Variants in RGS14 observed in about 807,000 individuals in gnomAD.
RGS14 encodes regulator of G-protein signaling 14.
RGS14 carries 33 observed loss-of-function variants against 63.8 expected under a neutral mutation model. The ratio of observed to expected loss-of-function variants is 0.52; its 90% confidence interval spans 0.39 to 0.69. The LOEUF (loss-of-function observed/expected upper bound fraction) is 0.69. RGS14 is among the 30% of genes least tolerant of loss of function. The pLI, the probability that RGS14 is intolerant of heterozygous loss-of-function variation, is 0.00. For synonymous variants in RGS14, 296 were observed against 320.9 expected, an observed-to-expected ratio of 0.92 and a Z score of 0.83; for missense variants, 739 against 742.9, an observed-to-expected ratio of 0.99 and a Z score of 0.06.
Position 177,372,081 on chromosome 5 carries a change from A to T in RGS14, c.*6A>T, listed in dbSNP as rs1235214619. 1.2e-5 allele frequency: 19 copies of T among 1,613,092 alleles called. No individual in the cohort carries two copies. The highest frequency in any genetic ancestry group is 1.6e-5 in the Non-Finnish European group (19 of 1,179,580). On this transcript the variant is annotated 3_prime_UTR_variant, in exon 15 of 15. Transcript: ENST00000408923. ...CCACCGACTCAGCCCTCTGACAGCTACCCAACAGTCCAGGACAGCTGCATG... is the reference window on the plus strand; with the variant it reads ...CCACCGACTCAGCCCTCTGACAGCTTCCCAACAGTCCAGGACAGCTGCATG...
Position 177,366,189 on chromosome 5 carries a change from C to T in RGS14, c.80C>T (p.Thr27Met), listed in dbSNP as rs111897214. The T allele has an allele frequency of 8.1e-6, 13 of 1,607,360 alleles. No homozygotes were observed. Among genetic ancestry groups the T allele is most frequent in the Admixed American group, 3.3e-5 (2 of 59,732 alleles). ...LAVSDGELSSTTGPQGQGEGR... is the reference protein window; with the variant it reads ...LAVSDGELSSMTGPQGQGEGR... Reference sequence around the variant, plus strand: ...CATCCCCCTGCAGAGCTGAGCAGCACGACGGGGCCCCAGGGCCAGGGCGAG... The same window carrying T: ...CATCCCCCTGCAGAGCTGAGCAGCATGACGGGGCCCCAGGGCCAGGGCGAG... Residue 27 changes from threonine to methionine, a missense_variant, in exon 3 of 15, where the codon ACG becomes ATG. By Grantham distance (81) the Thr-to-Met change is moderately conservative. Coordinates refer to ENST00000408923, the MANE Select transcript of RGS14 (RefSeq NM_006480.5).
chr5:177,358,638 G>A lies in RGS14; in HGVS notation c.45+569G>A, dbSNP rs565788793. Among the ~76,000 whole-genome samples the A allele has an allele frequency of 1.1e-3, 172 of 152,332 alleles. 1 individual carries two copies. In the South Asian group the frequency reaches 0.013, roughly 12 times the overall value. On this transcript the variant is annotated intron_variant, in intron 1 of 14. Transcript: ENST00000408923. This position sits in a 1 kb window ranked among gnomAD's most constrained non-coding sequence, Gnocchi z 4.8. ...GCCTGTTCTATTCCTGAGCTTCCAG[G>A]AAGGGCTGAGCACTAAGATCCCCCT... is the stretch of plus-strand genomic sequence containing the variant.
chr5:177,371,057 G>C lies in RGS14; in HGVS notation c.1254+26G>C, dbSNP rs952591518. 16 of 1,142,562 alleles carry C rather than the reference G, an allele frequency of 1.4e-5. No homozygotes were observed. Among genetic ancestry groups the C allele is most frequent in the Admixed American group, 9.1e-5 (2 of 22,036 alleles). 70.8% of individuals were successfully genotyped at this position (1,142,562 alleles called of 1,614,324 possible). A position where few individuals can be genotyped will look rare whatever the true frequency, so the allele number is the denominator to read the frequency against. ...GTGAGCTTCCGGGCCGCGGGGCGGG[G>C]CGGGGCGGGGCCGGGCCGGGGCCGG... On this transcript the variant is annotated intron_variant, in intron 11 of 14. Transcript: ENST00000408923. This position sits in a 1 kb window ranked among gnomAD's most constrained non-coding sequence, Gnocchi z 6.1.
chr5:177,368,791 G>T lies in RGS14; in HGVS notation c.924G>T (p.Leu308=), dbSNP rs1762169900. 1.2e-6 allele frequency: 2 copies of T among 1,614,240 alleles called. No individual in the cohort carries two copies. Among genetic ancestry groups the T allele is most frequent in the Non-Finnish European group, 1.7e-6 (2 of 1,180,044 alleles). ...SRPGKYCCVY[L]PDGTASLALA... is the part of the protein sequence containing the mutation. ...CAGGGAAGTACTGCTGTGTGTACCT[G>T]CCCGATGGCACAGCCTCCTTGGCCC... The change falls in exon 9 of 15, where the codon CTG becomes CTT. Residue 308 remains leucine, a synonymous_variant. Coordinates refer to ENST00000408923, the MANE Select transcript of RGS14 (RefSeq NM_006480.5).
Position 177,364,252 on chromosome 5 carries a change from G to A in RGS14, c.46-1711G>A, listed in dbSNP as rs2127328796. ...GTTGGGATGGGAATAAGGGGCTGGTGGTAGGAACTTCTGTGACAGGGCATG... is the reference window on the plus strand; with the variant it reads ...GTTGGGATGGGAATAAGGGGCTGGTAGTAGGAACTTCTGTGACAGGGCATG... On this transcript the variant is annotated intron_variant, in intron 1 of 14. Coordinates refer to ENST00000408923, the MANE Select transcript of RGS14 (RefSeq NM_006480.5). This position sits in a 1 kb window ranked among gnomAD's most constrained non-coding sequence, Gnocchi z 4.6. Among the ~76,000 whole-genome samples the A allele has an allele frequency of 6.6e-6, 1 of 152,258 alleles. No individual in the cohort carries two copies. Among genetic ancestry groups the A allele is most frequent in the Non-Finnish European group, 1.5e-5 (1 of 68,020 alleles).
rs1761920797 is a variant in RGS14, at chr5:177,359,816, A to C, written c.45+1747A>C. Among the ~76,000 whole-genome samples, 1 of 152,164 alleles carries C rather than the reference A, an allele frequency of 6.6e-6. No individual in the cohort carries two copies. On this transcript the variant is annotated intron_variant, in intron 1 of 14. Coordinates refer to ENST00000408923, the MANE Select transcript of RGS14 (RefSeq NM_006480.5). The surrounding 1 kb of genome is among the most constrained non-coding windows in gnomAD (Gnocchi z 4.4). ...ACAGGCACTGGGATCTGAGGTGCGG[A>C]TGTGGATGGAGGGGCGCCTGGGGGA... is the stretch of plus-strand genomic sequence containing the variant.
At chr5:177,368,681 G>A (rs1312106223) in intron 8 of RGS14, 36 bp from the exon 9 acceptor site, 3 of 1,605,764 alleles carry the variant, frequency 1.9e-6, no homozygotes, top group Non-Finnish European at 2.6e-6. Context: ...CCTTGCATGT[G>A]TACACATAAT....
At position 177,366,869 on chromosome 5, in the gene RGS14, C is replaced by T. The variant is rs1443040784; in HGVS notation, c.340-22C>T. On this transcript the variant is annotated intron_variant, in intron 4 of 14. Coordinates refer to ENST00000408923, the MANE Select transcript of RGS14 (RefSeq NM_006480.5). ...ACTGGGCCACGCTCCCTGACCAACT[C>T]CTCCTGTCCCTCCTCCTTCAGCTAG... 1.9e-6 allele frequency: 3 copies of T among 1,613,422 alleles called. No homozygotes were observed. The South Asian group carries it at 3.3e-5, about 18-fold the overall frequency.
chr5:177,365,998 T>C lies in RGS14; in HGVS notation c.67+14T>C. 1 of 1,613,578 alleles carries C rather than the reference T, an allele frequency of 6.2e-7. No homozygotes were observed. The highest frequency in any genetic ancestry group is 8.5e-7 in the Non-Finnish European group (1 of 1,179,580). The stretch of plus-strand genomic sequence containing the variant: ...TGTCAGATGGAGGTAAGTGACAGAA[T>C]GTGTGGAGAACTGGCTGAGTGGGAG... On this transcript the variant is annotated intron_variant, in intron 2 of 14. Coordinates refer to ENST00000408923, the MANE Select transcript of RGS14 (RefSeq NM_006480.5).
intron 4 of RGS14, 27 bp from the exon 5 acceptor site, chr5:177,366,864 C>T (rs1249967320): frequency 6.2e-7 from 1 of 1,613,544 alleles, no homozygotes; most frequent in African/African-American, 1.3e-5. Context: ...GCTCCCTGAC[C>T]AACTCCTCCT....
At chr5:177,362,289 AGAGCT>A (rs1205179626) in intron 1 of RGS14, among the ~76,000 whole-genome samples, 1 of 152,212 alleles carries the variant, frequency 6.6e-6, no homozygotes, top group Non-Finnish European at 1.5e-5. Flanking sequence ...CTCAGGATGG[AGAGCT>A]ACAGGTGGCA....
chr5:177,369,114 TCATC>T, intron 9 of RGS14, 194 bp downstream of exon 9: 1 of 616,696 alleles, frequency 1.6e-6, no homozygotes, highest in Non-Finnish European at 2.9e-6. Context: ...GTTTCCACCT[TCATC>T]CATCATCCTA....
At chr5:177,368,134 G>A in intron 7 of RGS14, 23 bp from the exon 8 acceptor site, 2 of 1,608,228 alleles carry the variant, frequency 1.2e-6, no homozygotes, top group Admixed American at 1.7e-5. Context: ...GGCTGTTCGC[G>A]TTCATCGCTC....
In RGS14 at chr5:177,364,112, C is replaced by T. The variant is rs1762037978; in HGVS notation, c.46-1851C>T. On this transcript the variant is annotated intron_variant, in intron 1 of 14. Coordinates refer to ENST00000408923, the MANE Select transcript of RGS14 (RefSeq NM_006480.5). The surrounding 1 kb of genome is among the most constrained non-coding windows in gnomAD (Gnocchi z 4.6). The stretch of plus-strand genomic sequence containing the variant: ...ACCGGATCTGGCCCACAGATGGCCG[C>T]CCTGTGACCTGAATACTCTCAGGGT... Among the ~76,000 whole-genome samples, 1 of 152,130 alleles carries T rather than the reference C, an allele frequency of 6.6e-6. No homozygotes were observed. Among genetic ancestry groups the T allele is most frequent in the Non-Finnish European group, 1.5e-5 (1 of 68,038 alleles).
At chr5:177,362,991 G>T (rs1195522450) in intron 1 of RGS14, among the ~76,000 whole-genome samples, 1 of 152,192 alleles carries the variant, frequency 6.6e-6, no homozygotes. Context: ...GAGGAGGGCA[G>T]GGCCAAGCAG....
chr5:177,368,941 C>T (rs755966626), intron 9 of RGS14, 21 bp downstream of exon 9: 2 of 1,606,148 alleles, frequency 1.2e-6, no homozygotes, highest in African/African-American at 1.3e-5. Context: ...GACCTGGCTC[C>T]AACTCTAACC....
chr5:177,371,199 T>C lies in RGS14; in HGVS notation c.1289T>C (p.Leu430Pro). ...AAACAGCCTCTGGATCTGGGGAAGC[T>C]AGTGAGCTCGGTGGCGGCCCAGAGA... ...GEKQPLDLGK[L>P]VSSVAAQRLV... is the part of the protein sequence containing the mutation. The change falls in exon 12 of 15, where the codon CTA becomes CCA. Residue 430 changes from leucine (L) to proline (P), a missense_variant. By Grantham distance (98) the Leu-to-Pro change is moderately conservative. Transcript: ENST00000408923. The surrounding 1 kb of genome is among the most constrained non-coding windows in gnomAD (Gnocchi z 6.1). 3 of 1,613,344 alleles carry C rather than the reference T, an allele frequency of 1.9e-6. No homozygotes were observed. Among genetic ancestry groups the C allele is most frequent in the Non-Finnish European group, 2.5e-6 (3 of 1,179,810 alleles).
rs1307586343 is a variant in RGS14, at chr5:177,358,254, C to T, written c.45+185C>T. On this transcript the variant is annotated intron_variant, in intron 1 of 14. Transcript: ENST00000408923. The surrounding 1 kb of genome is among the most constrained non-coding windows in gnomAD (Gnocchi z 4.8). Reference sequence around the variant, plus strand: ...TCACCCCTAGACCCTTCCAGATGGCCCAGCCGGGAGCCTGGTACAACCCTG... The same window carrying T: ...TCACCCCTAGACCCTTCCAGATGGCTCAGCCGGGAGCCTGGTACAACCCTG... Among the ~76,000 whole-genome samples, 1 of 152,186 alleles carries T rather than the reference C, an allele frequency of 6.6e-6. No homozygotes were observed. The highest frequency in any genetic ancestry group is 2.4e-5 in the African/African-American group (1 of 41,444).
At chr5:177,366,479 C>A in intron 3 of RGS14, 124 bp downstream of exon 3, 1 of 914,656 alleles carries the variant, frequency 1.1e-6, no homozygotes, top group Non-Finnish European at 1.6e-6. Flanking sequence ...GCAGCACCCT[C>A]TTCCTCTTCT....
Sources: gnomAD v4.1 joint callset for allele counts (sites outside exome capture counted in the v4.1 genomes callset) on GRCh38, gnomAD v4.1.1 for gene constraint, Gnocchi (gnomAD v3.1) non-coding constraint, MANE v1.5 for transcripts, NCBI Gene and HGNC (gene_info 2026-07-23, HGNC 2026-07-21) for gene names.